REPIN1: variants seen among roughly 807,000 people sequenced by gnomAD.
REPIN1 encodes the protein DNA-binding protein REPIN1.
In REPIN1, 4 loss-of-function variants were observed where a neutral mutation model predicts 5.7. That is an observed-to-expected ratio of 0.71 (90% CI 0.35 to 1.62). The LOEUF (loss-of-function observed/expected upper bound fraction) is 1.62, where lower values mean the gene tolerates loss of function less well. Among genes scored for constraint, REPIN1 ranks in the 40% most tolerant of loss-of-function variants. The pLI, the probability that REPIN1 is intolerant of heterozygous loss-of-function variation, is 0.05. For missense variants in REPIN1, 854 were observed against 901.0 expected (o/e 0.95, Z 0.67); for synonymous variants, 410 against 386.2 (o/e 1.06, Z -0.72).
chr7:150,371,140 C>T, intron 2 of REPIN1, 88 bp from the exon 3 acceptor site: 1 of 1,426,462 alleles, frequency 7.0e-7, no homozygotes, highest in Non-Finnish European at 9.3e-7. Context: ...TCATAGATGG[C>T]AGCTCCTGTC....
chr7:150,372,777 G>T lies in REPIN1; in HGVS notation c.1707G>T (p.Glu569Asp). ...CGCACCGGCGCATCCACACGGGCGA[G>T]CGGCCCTACGCCTGTCCCGACTGCG... ...LVSHRRIHTG[E>D]RPYACPDCDR... Residue 569 changes from glutamate (E) to aspartate (D), a missense_variant, in exon 3 of 3, where the codon GAG becomes GAT. By Grantham distance (45) the Glu-to-Asp change is conservative. Transcript: ENST00000489432. 3 of 1,612,100 alleles carry T rather than the reference G, an allele frequency of 1.9e-6. No individual in the cohort carries two copies. The highest frequency in any genetic ancestry group is 2.5e-6 in the Non-Finnish European group (3 of 1,179,942).
intron 1 of REPIN1, 129 bp from the exon 2 acceptor site, chr7:150,369,542 C>A (rs900979598): frequency 7.9e-6 from 6 of 755,154 alleles, no homozygotes; most frequent in Non-Finnish European, 1.4e-5. Flanking sequence ...CTCTGCCAGG[C>A]AGGATGTGGG....
Position 150,371,512 on chromosome 7 carries a change from G to T in REPIN1, c.442G>T (p.Gly148Cys). ...GCTGCCCTTGCCCTGCCCTGAGTGTGGCCGTCGCTTTCGCCATGCCCCCTT... is the reference window on the plus strand; with the variant it reads ...GCTGCCCTTGCCCTGCCCTGAGTGTTGCCGTCGCTTTCGCCATGCCCCCTT... The part of the protein sequence containing the change: ...ARLPLPCPEC[G>C]RRFRHAPFLA... Residue 148 changes from glycine to cysteine, a missense_variant, in exon 3 of 3, where the codon GGC becomes TGC. By Grantham distance (159) the Gly-to-Cys change is radical. Transcript: ENST00000489432. 1.2e-6 allele frequency: 2 copies of T among 1,606,566 alleles called. No homozygotes were observed. The highest frequency in any genetic ancestry group is 2.2e-5 in the South Asian group (2 of 91,028).
Position 150,373,560 on chromosome 7 carries a change from TCCC to T in REPIN1, c.*616_*618del. The T allele has an allele frequency of 5.9e-6, 1 of 169,058 alleles. No homozygotes were observed. The highest frequency in any genetic ancestry group is 6.4e-5 in the Admixed American group (1 of 15,664). 10.5% of individuals were successfully genotyped at this position (169,058 alleles called of 1,614,324 possible). A position where few individuals can be genotyped will look rare whatever the true frequency, so the allele number is the denominator to read the frequency against. ...CTGTTAATACTTCCATCCTCTTCCT[TCCC>T]AAAGAGCAGATCCCAAGGCATTTAC... On this transcript the variant is annotated 3_prime_UTR_variant, in exon 3 of 3. Transcript: ENST00000489432.
chr7:150,370,178 G>A, intron 2 of REPIN1: 1 of 319,162 alleles, frequency 3.1e-6, no homozygotes, highest in South Asian at 6.0e-5. Context: ...TGGAAGAGCT[G>A]AACATGGGGC....
chr7:150,372,771 G>T lies in REPIN1; in HGVS notation c.1701G>T (p.Thr567=). ...SNLVSHRRIH[T]GERPYACPDC... is the part of the protein sequence containing the mutation. ...TGGTGTCGCACCGGCGCATCCACAC[G>T]GGCGAGCGGCCCTACGCCTGTCCCG... Residue 567 remains threonine (T), a synonymous_variant, in exon 3 of 3, where the codon ACG becomes ACT. Coordinates refer to ENST00000489432, the MANE Select transcript of REPIN1 (RefSeq NM_001099695.2). 1 of 1,610,268 alleles carries T rather than the reference G, an allele frequency of 6.2e-7. No homozygotes were observed. The highest frequency in any genetic ancestry group is 1.1e-5 in the South Asian group (1 of 90,982).
intron 2 of REPIN1, 114 bp downstream of exon 2, chr7:150,369,982 C>T: frequency 8.2e-7 from 1 of 1,215,276 alleles, no homozygotes; most frequent in Non-Finnish European, 1.1e-6. Context: ...CTTCCCTGTG[C>T]ACAGTCTGAC....
Position 150,371,676 on chromosome 7 carries a change from C to A in REPIN1, c.606C>A (p.Ile202=). The change falls in exon 3 of 3, where the codon ATC becomes ATA. Residue 202 remains isoleucine, a synonymous_variant. Coordinates refer to ENST00000489432, the MANE Select transcript of REPIN1 (RefSeq NM_001099695.2). ...CCCATTCAGCTGCAAAGCGGCCCAT[C>A]GCTTGTCCCAAATGCGAGAGACGCT... The part of the protein sequence containing the change: ...LRAHSAAKRP[I]ACPKCERRFW... 1 of 1,605,592 alleles carries A rather than the reference C, an allele frequency of 6.2e-7. No homozygotes were observed. The highest frequency in any genetic ancestry group is 8.5e-7 in the Non-Finnish European group (1 of 1,179,676).
Position 150,368,863 on chromosome 7 carries a change from G to C in REPIN1, c.-120G>C, listed in dbSNP as rs956197471. The C allele has an allele frequency of 2.1e-5, 7 of 339,644 alleles. No homozygotes were observed. The highest frequency in any genetic ancestry group is 7.8e-4 in the Middle Eastern group (1 of 1,280). The allele number at this position is 339,644 out of a possible 1,614,324, so 21.0% of individuals were successfully genotyped here. The stretch of plus-strand genomic sequence containing the variant: ...CTGCCGCTGTCGCCGCGGCGGGGCG[G>C]GGAGCGAGAGTGGGCCGCGGAGGCC... On this transcript the variant is annotated 5_prime_UTR_variant, in exon 1 of 3. Coordinates refer to ENST00000489432, the MANE Select transcript of REPIN1 (RefSeq NM_001099695.2).
chr7:150,373,120 C>G lies in REPIN1; in HGVS notation c.*175C>G. ...CCCTGCTAGCGAGAGAGGTCAACCC[C>G]GGTGGCCAGGGAACCCACTTCCAAG... On this transcript the variant is annotated 3_prime_UTR_variant, in exon 3 of 3. Transcript: ENST00000489432. 1 of 964,696 alleles carries G rather than the reference C, an allele frequency of 1.0e-6. No individual in the cohort carries two copies. The allele number at this position is 964,696 out of a possible 1,614,324, so 59.8% of individuals were successfully genotyped here.
At chr7:150,370,968 G>T in intron 2 of REPIN1, 1 of 649,780 alleles carries the variant, frequency 1.5e-6, no homozygotes, top group Non-Finnish European at 2.8e-6. Context: ...GCCATGAGGG[G>T]GATTCTAGTA....
In REPIN1 at chr7:150,373,849, C is replaced by T. The variant is rs559132783; in HGVS notation, c.*904C>T. 4.2e-5 allele frequency: 7 copies of T among 167,206 alleles called. No homozygotes were observed. The East Asian group carries it at 1.3e-3, about 32-fold the overall frequency. The allele number at this position is 167,206 out of a possible 1,614,324, so 10.4% of individuals were successfully genotyped here. A position where few individuals can be genotyped will look rare whatever the true frequency, so the allele number is the denominator to read the frequency against. ...TTGAGCACTTAGGTGACAGGAACTT[C>T]CGCACCTCCTGAGGCCCTGGATGAT... On this transcript the variant is annotated 3_prime_UTR_variant, in exon 3 of 3. Transcript: ENST00000489432.
In REPIN1 at chr7:150,368,837, C is replaced by A; in HGVS notation, c.-146C>A. 3.1e-6 allele frequency: 1 copy of A among 324,054 alleles called. No individual in the cohort carries two copies. The highest frequency in any genetic ancestry group is 5.3e-5 in the East Asian group (1 of 19,042). The allele number at this position is 324,054 out of a possible 1,614,324, so 20.1% of individuals were successfully genotyped here. A position where few individuals can be genotyped will look rare whatever the true frequency, so the allele number is the denominator to read the frequency against. On this transcript the variant is annotated 5_prime_UTR_variant, in exon 1 of 3. Transcript: ENST00000489432. ...CGGGCCTGGCAGTTGTGAACTCGAA[C>A]CTGCCGCTGTCGCCGCGGCGGGGCG... is the stretch of plus-strand genomic sequence containing the variant.
At position 150,372,316 on chromosome 7, in the gene REPIN1, GC is replaced by G; in HGVS notation, c.1250del (p.Pro417ArgfsTer255). 7.5e-7 allele frequency: 1 copy of G among 1,333,808 alleles called. No homozygotes were observed. Among genetic ancestry groups the G allele is most frequent in the Admixed American group, 2.3e-5 (1 of 42,738 alleles). 82.6% of individuals were successfully genotyped at this position (1,333,808 alleles called of 1,614,324 possible). A position where few individuals can be genotyped will look rare whatever the true frequency, so the allele number is the denominator to read the frequency against. ...ACCGGCCCAGGAGCCGCCGCCAGGGGCCCCGCCAGAGCACCCGCAGGACCCG... is the reference window on the plus strand; with the variant it reads ...ACCGGCCCAGGAGCCGCCGCCAGGGGCCCGCCAGAGCACCCGCAGGACCCG... The part of the protein sequence containing the change: ...LKPAQEPPPG[A>X]PPEHPQDPIE... On this transcript the variant is annotated frameshift_variant, in exon 3 of 3. Transcript: ENST00000489432. LOFTEE classifies it low-confidence loss of function (END_TRUNC).
rs762374400 is a variant in REPIN1, at chr7:150,371,817, A to C, written c.747A>C (p.Leu249=). ...GGAGCTTTGCCCAGTGGGACCAGCT[A>C]GTTGCCCACAAGCGGGTGCACGTAG... The part of the protein sequence containing the change: ...CGRSFAQWDQ[L]VAHKRVHVAE... The change falls in exon 3 of 3, where the codon CTA becomes CTC. Residue 249 remains leucine, a synonymous_variant. Coordinates refer to ENST00000489432, the MANE Select transcript of REPIN1 (RefSeq NM_001099695.2). 8 of 1,609,720 alleles carry C rather than the reference A, an allele frequency of 5.0e-6. No individual in the cohort carries two copies. Among genetic ancestry groups the C allele is most frequent in the Non-Finnish European group, 6.8e-6 (8 of 1,178,796 alleles).
At chr7:150,369,598 T>C in intron 1 of REPIN1, 73 bp from the exon 2 acceptor site, 1 of 1,363,278 alleles carries the variant, frequency 7.3e-7, no homozygotes, top group Non-Finnish European at 1.0e-6. Context: ...GGGTTGTGGC[T>C]GGTGAGGACA....
At position 150,372,090 on chromosome 7, in the gene REPIN1, G is replaced by T. The variant is rs1799852613; in HGVS notation, c.1020G>T (p.Arg340=). The change falls in exon 3 of 3, where the codon CGG becomes CGT. Residue 340 remains arginine (R), a synonymous_variant. Coordinates refer to ENST00000489432, the MANE Select transcript of REPIN1 (RefSeq NM_001099695.2). ...ATAAGCCCTATCTGACTTCGCACCG[G>T]CGCATCCACACCGGCGAGAAGCCCT... ...FTNKPYLTSH[R]RIHTGEKPYP... is the part of the protein sequence containing the mutation. 1 of 1,612,288 alleles carries T rather than the reference G, an allele frequency of 6.2e-7. No homozygotes were observed. The highest frequency in any genetic ancestry group is 8.5e-7 in the Non-Finnish European group (1 of 1,179,680).
Position 150,373,162 on chromosome 7 carries a change from T to TCCCCGGTGG in REPIN1, c.*219_*220insCCGGTGGCC, listed in dbSNP as rs1800068589. On this transcript the variant is annotated 3_prime_UTR_variant, in exon 3 of 3. Coordinates refer to ENST00000489432, the MANE Select transcript of REPIN1 (RefSeq NM_001099695.2). ...ACTTCCAAGCGCAGGGACGCCGGCC[T>TCCCCGGTGG]CCAGCTGGTGTGTGCTAAGGCTCCG... 2.5e-5 allele frequency: 17 copies of TCCCCGGTGG among 666,836 alleles called. No homozygotes were observed. The highest frequency in any genetic ancestry group is 4.2e-4 in the Middle Eastern group (1 of 2,402). The allele number at this position is 666,836 out of a possible 1,614,324, so 41.3% of individuals were successfully genotyped here.
rs535723848 is a variant in REPIN1, at chr7:150,369,976, C to A, written c.157+108C>A. The A allele has an allele frequency of 9.0e-6, 12 of 1,333,106 alleles. No individual in the cohort carries two copies. In the East Asian group the frequency reaches 1.7e-4, roughly 18 times the overall value. The allele number at this position is 1,333,106 out of a possible 1,614,324, so 82.6% of individuals were successfully genotyped here. A position where few individuals can be genotyped will look rare whatever the true frequency, so the allele number is the denominator to read the frequency against. Reference sequence around the variant, plus strand: ...CCCTTTCTCATATCCTGGGGTCTTCCCTGTGCACAGTCTGACACTGGGAAT... The same window carrying A: ...CCCTTTCTCATATCCTGGGGTCTTCACTGTGCACAGTCTGACACTGGGAAT... On this transcript the variant is annotated intron_variant, in intron 2 of 2. Transcript: ENST00000489432.
Sources: gnomAD v4.1 joint callset for allele counts on GRCh38, gnomAD v4.1.1 for gene constraint, MANE v1.5 for transcripts, NCBI Gene and HGNC (gene_info 2026-07-23, HGNC 2026-07-21) for gene names.